Variants in SLC35D1 observed in about 807,000 individuals in gnomAD.
The protein encoded by SLC35D1 is solute carrier family 35 member D1, also known as nucleotide sugar transporter SLC35D1.
Under a neutral mutation model 46.7 loss-of-function variants are expected in SLC35D1, and 31 were observed. That is an observed-to-expected ratio of 0.66 (90% CI 0.50 to 0.90). The LOEUF is 0.90. Ranked by LOEUF, SLC35D1 falls within the 40% of genes least tolerant of loss-of-function variation. The pLI is 0.00. For missense variants in SLC35D1, 397 were observed against 426.2 expected (o/e 0.93, Z 0.60); for synonymous variants, 195 against 164.6 (o/e 1.18, Z -1.41).
At chr1:66,992,846 T>A in the SLC35D1 span, among the ~76,000 whole-genome samples, 1 of 152,260 alleles carries the variant, frequency 6.6e-6, no homozygotes, top group Non-Finnish European at 1.5e-5. Flanking sequence ...GAAAGACTAT[T>A]AGGCAGATAA....
intron 3 of SLC35D1, 70 bp from the exon 4 acceptor site, chr1:67,052,149 A>G: frequency 8.8e-7 from 1 of 1,138,452 alleles, no homozygotes; most frequent in East Asian, 2.4e-5. Flanking sequence ...TTTCAAACAG[A>G]AACAATTTTG....
chr1:66,982,503 G>T, the SLC35D1 span, among the ~76,000 whole-genome samples: 1 of 152,178 alleles, frequency 6.6e-6, no homozygotes, highest in African/African-American at 2.4e-5. Context: ...ATATACAGTG[G>T]ACCAGAGATC....
chr1:67,042,783 G>A (rs1645207480), intron 7 of SLC35D1, among the ~76,000 whole-genome samples: 1 of 152,182 alleles, frequency 6.6e-6, no homozygotes, highest in South Asian at 2.1e-4. Flanking sequence ...GATGGATGAG[G>A]CCGGATACGG....
chr1:66,979,781 AG>A, the SLC35D1 span, among the ~76,000 whole-genome samples: 1 of 151,082 alleles, frequency 6.6e-6, no homozygotes, highest in Non-Finnish European at 1.5e-5. Flanking sequence ...TTTTTTTTAA[AG>A]ACGGAGTCTC....
chr1:66,984,529 C>G, the SLC35D1 span: 1 of 1,454,144 alleles, frequency 6.9e-7, no homozygotes, highest in African/African-American at 1.4e-5. Flanking sequence ...GCAAATTTAA[C>G]TTTTTTCTAA....
chr1:67,020,274 G>T, intron 10 of SLC35D1, 95 bp downstream of exon 10: 1 of 798,482 alleles, frequency 1.3e-6, no homozygotes, highest in Non-Finnish European at 2.2e-6. Flanking sequence ...AGGAAATAAC[G>T]ATTTGGGTCT....
chr1:66,981,855 T>A, the SLC35D1 span: 3 of 1,614,038 alleles, frequency 1.9e-6, no homozygotes, highest in Non-Finnish European at 2.5e-6. Flanking sequence ...CCCAACTGCA[T>A]CAAACAGTAG....
chr1:67,025,339 T>A (rs1667895467), intron 8 of SLC35D1, among the ~76,000 whole-genome samples: 1 of 152,326 alleles, frequency 6.6e-6, no homozygotes, highest in East Asian at 1.9e-4. Context: ...GAAGACATTA[T>A]CTTTTCCTCA....
chr1:66,976,690 A>G, the SLC35D1 span: 1 of 1,606,576 alleles, frequency 6.2e-7, no homozygotes, highest in African/African-American at 1.3e-5. Context: ...CACGATTTGG[A>G]AAGAAGAAAT....
At chr1:66,982,042 T>C in the SLC35D1 span, 1 of 912,228 alleles carries the variant, frequency 1.1e-6, no homozygotes, top group Non-Finnish European at 1.7e-6. Context: ...TGATAACACA[T>C]GAGACAAACA....
chr1:67,052,737 T>A lies in SLC35D1; in HGVS notation c.324+34A>T, dbSNP rs77816884. 68,523 of 1,608,528 alleles carry A rather than the reference T, an allele frequency of 0.043. 1,796 individuals carry two copies. Among genetic ancestry groups the A allele is most frequent in the South Asian group, 0.079 (7,202 of 90,958 alleles). ...ATATGTTAATACATACTGACTTCAT[T>A]TCACAAAATAAAGTATCGCTTTTCT... On this transcript the variant is annotated intron_variant, in intron 3 of 11. Coordinates refer to ENST00000235345, the MANE Select transcript of SLC35D1 (RefSeq NM_015139.3).
At chr1:67,045,099 T>C (rs911149236) in intron 7 of SLC35D1, among the ~76,000 whole-genome samples, 26 of 152,040 alleles carry the variant, frequency 1.7e-4, no homozygotes, top group Non-Finnish European at 2.9e-4. Flanking sequence ...ATGAGTGTTA[T>C]CCAGGAAGTA....
chr1:66,995,459 A>AAAAAAAC (rs1667229423), downstream of SLC35D1, among the ~76,000 whole-genome samples: 1 of 121,628 alleles, frequency 8.2e-6, no homozygotes, highest in Admixed American at 8.4e-5. Context: ...AAAAAAAAAA[A>AAAAAAAC]AAAAAAAAAA....
At chr1:66,976,600 A>G in the SLC35D1 span, 9 of 1,586,792 alleles carry the variant, frequency 5.7e-6, no homozygotes, top group East Asian at 6.8e-5. Flanking sequence ...TACAGGTCCG[A>G]ACAAGGTCAG....
intron 8 of SLC35D1, among the ~76,000 whole-genome samples, chr1:67,023,732 C>A (rs932525517): frequency 2.0e-5 from 3 of 151,836 alleles, no homozygotes; most frequent in Non-Finnish European, 4.4e-5. Flanking sequence ...GTGATCCGCC[C>A]GCCCTAGCTT....
At chr1:66,984,824 G>A in the SLC35D1 span, 1 of 1,611,808 alleles carries the variant, frequency 6.2e-7, no homozygotes. Context: ...GGAAAAGAAA[G>A]TCCAGGTTCT....
chr1:67,042,647 C>A (rs548755948), intron 7 of SLC35D1, among the ~76,000 whole-genome samples: 1 of 152,288 alleles, frequency 6.6e-6, no homozygotes, highest in Non-Finnish European at 1.5e-5. Context: ...AACACATACA[C>A]ACACACACAA....
chr1:67,047,637 A>G (rs1412884188), intron 6 of SLC35D1, among the ~76,000 whole-genome samples: 1 of 152,228 alleles, frequency 6.6e-6, no homozygotes, highest in African/African-American at 2.4e-5. Context: ...CTCTGCATTC[A>G]AAGCCAGATG....
chr1:66,982,459 A>G, the SLC35D1 span, among the ~76,000 whole-genome samples: 1 of 152,212 alleles, frequency 6.6e-6, no homozygotes, highest in Non-Finnish European at 1.5e-5. Context: ...AGGCATACCA[A>G]TTGTTTGAGG....
Sources: allele counts gnomAD v4.1 joint callset (sites outside exome capture counted in the v4.1 genomes callset), GRCh38; gene constraint gnomAD v4.1.1; transcripts MANE v1.5; gene names NCBI Gene and HGNC (gene_info 2026-07-23, HGNC 2026-07-21).